Variants in NET1 observed in about 807,000 individuals in gnomAD.
NET1 encodes the protein neuroepithelial cell-transforming gene 1 protein.
A neutral mutation model predicts 61.1 loss-of-function variants in NET1; 42 were observed. The observed-to-expected ratio is 0.69, with a 90% confidence interval of 0.54 to 0.89. The LOEUF is 0.89. NET1 is among the 40% of genes least tolerant of loss of function. NET1 has a pLI of 0.00. For missense variants in NET1, 654 were observed against 747.3 expected (o/e 0.88, Z 1.46); for synonymous variants, 254 against 281.8 (o/e 0.90, Z 0.99).
chr10:5,447,763 G>C lies in NET1; in HGVS notation c.256-4067G>C, dbSNP rs1478210950. On this transcript the variant is annotated intron_variant, in intron 3 of 11. Coordinates refer to ENST00000355029, the MANE Select transcript of NET1 (RefSeq NM_001047160.3). This position sits in a 1 kb window ranked among gnomAD's most constrained non-coding sequence, Gnocchi z 4.1. The stretch of plus-strand genomic sequence containing the variant: ...GTACACTTTTATTTGGTGTGGTTTG[G>C]CTTTGGTTTTTGTTCTTGGTTTTGG... 6.6e-6 allele frequency among the ~76,000 whole-genome samples: 1 copy of C among 152,192 alleles called. No individual in the cohort carries two copies. Among genetic ancestry groups the C allele is most frequent in the Non-Finnish European group, 1.5e-5 (1 of 68,038 alleles).
rs1180284859 is a variant in NET1, at chr10:5,439,346, C to A, written c.255+10117C>A. 6.6e-6 allele frequency among the ~76,000 whole-genome samples: 1 copy of A among 152,190 alleles called. No individual in the cohort carries two copies. Among genetic ancestry groups the A allele is most frequent in the Non-Finnish European group, 1.5e-5 (1 of 68,026 alleles). ...ATGTGTGAATGAGGGCCAAATTTTTCTCTTAGTGGTTTTAGAGACCTACTC... is the reference window on the plus strand; with the variant it reads ...ATGTGTGAATGAGGGCCAAATTTTTATCTTAGTGGTTTTAGAGACCTACTC... On this transcript the variant is annotated intron_variant, in intron 3 of 11. Transcript: ENST00000355029. This position sits in a 1 kb window ranked among gnomAD's most constrained non-coding sequence, Gnocchi z 4.8.
rs978523405 is a variant in NET1, at chr10:5,439,206, T to G, written c.255+9977T>G. 6.6e-6 allele frequency among the ~76,000 whole-genome samples: 1 copy of G among 152,204 alleles called. No homozygotes were observed. Among genetic ancestry groups the G allele is most frequent in the Admixed American group, 6.5e-5 (1 of 15,280 alleles). On this transcript the variant is annotated intron_variant, in intron 3 of 11. Transcript: ENST00000355029. The surrounding 1 kb of genome is among the most constrained non-coding windows in gnomAD (Gnocchi z 4.8). Reference sequence around the variant, plus strand: ...CCTTCACACAGAGTGAACAACCAAGTGCATTACTGACACTGGAGTGTTCTC... The same window carrying G: ...CCTTCACACAGAGTGAACAACCAAGGGCATTACTGACACTGGAGTGTTCTC...
At position 5,452,206 on chromosome 10, in the gene NET1, A is replaced by G; in HGVS notation, c.364-152A>G. 1 of 742,994 alleles carries G rather than the reference A, an allele frequency of 1.3e-6. No individual in the cohort carries two copies. Among genetic ancestry groups the G allele is most frequent in the Non-Finnish European group, 2.0e-6 (1 of 493,688 alleles). 46.0% of individuals were successfully genotyped at this position (742,994 alleles called of 1,614,324 possible). On this transcript the variant is annotated intron_variant, in intron 4 of 11. Transcript: ENST00000355029. The surrounding 1 kb of genome is among the most constrained non-coding windows in gnomAD (Gnocchi z 4.0). Reference sequence around the variant, plus strand: ...TAATTTTAGCTGATAAATATTTAAGATTGGTAGGTGGAAACTTGGATAAAT... The same window carrying G: ...TAATTTTAGCTGATAAATATTTAAGGTTGGTAGGTGGAAACTTGGATAAAT...
Position 5,437,755 on chromosome 10 carries a change from T to C in NET1, c.255+8526T>C, listed in dbSNP as rs143128882. Among the ~76,000 whole-genome samples the C allele has an allele frequency of 4.7e-3, 714 of 152,074 alleles. 4 individuals are homozygous for C. The highest frequency in any genetic ancestry group is 0.016 in the African/African-American group (679 of 41,480). On this transcript the variant is annotated intron_variant, in intron 3 of 11. Transcript: ENST00000355029. The surrounding 1 kb of genome is among the most constrained non-coding windows in gnomAD (Gnocchi z 4.3). ...AGACTTAAACAGCACTCAGACCAAA[T>C]GGACCTAACAGACATACAGAGCCCT...
At position 5,456,679 on chromosome 10, in the gene NET1, G is replaced by T; in HGVS notation, c.1476G>T (p.Trp492Cys). 6.2e-7 allele frequency: 1 copy of T among 1,614,012 alleles called. No individual in the cohort carries two copies. Among genetic ancestry groups the T allele is most frequent in the Non-Finnish European group, 8.5e-7 (1 of 1,180,016 alleles). ...ATGACGTGTTCCACAAGCAGCAGTG[G>T]TTCAACTGTATTCGAGCGGCCATTG... is the stretch of plus-strand genomic sequence containing the variant. ...QANDVFHKQQ[W>C]FNCIRAAIAP... The change falls in exon 12 of 12, where the codon TGG (tryptophan) becomes TGT (cysteine). Residue 492 changes from tryptophan to cysteine, a missense_variant. By Grantham distance (215) the Trp-to-Cys change is radical (BLOSUM62 -2). Coordinates refer to ENST00000355029, the MANE Select transcript of NET1 (RefSeq NM_001047160.3). This position sits in a 1 kb window ranked among gnomAD's most constrained non-coding sequence, Gnocchi z 7.0.
At chr10:5,413,057 C>G in intron 1 of NET1, among the ~76,000 whole-genome samples, 2 of 147,508 alleles carry the variant, frequency 1.4e-5, no homozygotes, top group Admixed American at 6.7e-5. Context: ...ACGGGGGCCG[C>G]TGGAAGTGAG....
chr10:5,436,180 TGTGTGTTGTGTGTGTGTG>T lies in NET1; in HGVS notation c.255+6952_255+6969del, dbSNP rs1204563452. Among the ~76,000 whole-genome samples the T allele has an allele frequency of 2.3e-3, 151 of 64,788 alleles. 1 individual carries two copies. Among genetic ancestry groups the T allele is most frequent in the Non-Finnish European group, 3.7e-3 (118 of 31,798 alleles). 42.5% of individuals were successfully genotyped at this position (64,788 alleles called of 152,430 possible). A position where few individuals can be genotyped will look rare whatever the true frequency, so the allele number is the denominator to read the frequency against. On this transcript the variant is annotated intron_variant, in intron 3 of 11. Transcript: ENST00000355029. ...AAAAGGAGGTGTGTGTGTGTGTGTG[TGTGTGTTGTGTGTGTGTG>T]TGTGTGTGTGTGTGTGTGTGTGTGT...
chr10:5,450,531 T>C (rs1336910976), intron 3 of NET1, among the ~76,000 whole-genome samples: 2 of 152,160 alleles, frequency 1.3e-5, no homozygotes, highest in Non-Finnish European at 2.9e-5. Flanking sequence ...TTCCTTTTTA[T>C]ATTACTTTAG....
rs759922499 is a variant in NET1 at position 5,435,467 on chromosome 10, C to T, written c.255+6238C>T. Among the ~76,000 whole-genome samples, 6 of 150,644 alleles carry T rather than the reference C, an allele frequency of 4.0e-5. No individual in the cohort carries two copies. The highest frequency in any genetic ancestry group is 9.8e-5 in the African/African-American group (4 of 40,690). ...GGAGCCATTCTACTTTATATGCCTCCGTGCCTGAGATAGATAGATAGATAG... is the reference window on the plus strand; with the variant it reads ...GGAGCCATTCTACTTTATATGCCTCTGTGCCTGAGATAGATAGATAGATAG... On this transcript the variant is annotated intron_variant, in intron 3 of 11. Transcript: ENST00000355029. This position sits in a 1 kb window ranked among gnomAD's most constrained non-coding sequence, Gnocchi z 5.0.
Position 5,441,194 on chromosome 10 carries a change from G to A in NET1, c.256-10636G>A, listed in dbSNP as rs930609023. 2.6e-5 allele frequency among the ~76,000 whole-genome samples: 4 copies of A among 152,198 alleles called. No homozygotes were observed. Among genetic ancestry groups the A allele is most frequent in the Non-Finnish European group, 4.4e-5 (3 of 68,034 alleles). The stretch of plus-strand genomic sequence containing the variant: ...GGGGAGCTTTTATCCTGCAGCTTCT[G>A]TGCTCCGTTAGTCAACAAGTGGCCT... On this transcript the variant is annotated intron_variant, in intron 3 of 11. Transcript: ENST00000355029. The surrounding 1 kb of genome is among the most constrained non-coding windows in gnomAD (Gnocchi z 4.6).
Position 5,456,805 on chromosome 10 carries a change from C to A in NET1, c.1602C>A (p.Ala534=). ...GNHPSARKLT[A]QRRASTVSSV... ...ACCCCTCTGCGAGGAAACTCACAGC[C>A]CAGAGGAGGGCATCCACAGTTTCCA... is the stretch of plus-strand genomic sequence containing the variant. The change falls in exon 12 of 12, where the codon GCC becomes GCA. Residue 534 remains alanine, a synonymous_variant. Coordinates refer to ENST00000355029, the MANE Select transcript of NET1 (RefSeq NM_001047160.3). The surrounding 1 kb of genome is among the most constrained non-coding windows in gnomAD (Gnocchi z 7.0). 2 of 1,613,564 alleles carry A rather than the reference C, an allele frequency of 1.2e-6. No individual in the cohort carries two copies. The highest frequency in any genetic ancestry group is 1.7e-6 in the Non-Finnish European group (2 of 1,179,736).
intron 3 of NET1, among the ~76,000 whole-genome samples, chr10:5,432,407 T>C (rs1382913962): frequency 6.6e-6 from 1 of 152,194 alleles, no homozygotes; most frequent in African/African-American, 2.4e-5. Context: ...CTTGCATTAT[T>C]ATTGATTACT....
rs1485255877 is a variant in NET1 at position 5,412,824 on chromosome 10, A to C, written c.128+4A>C. On this transcript the variant is annotated splice_donor_region_variant and intron_variant, in intron 1 of 11. Coordinates refer to ENST00000355029, the MANE Select transcript of NET1 (RefSeq NM_001047160.3). This position sits in a 1 kb window ranked among gnomAD's most constrained non-coding sequence, Gnocchi z 6.5. ...CCGGGTCGGAGCTGGACGGGAGGTG[A>C]GTGTGGGGGAGGGGAGGGCCGAACG... The C allele has an allele frequency of 1.6e-6, 2 of 1,227,896 alleles. No individual in the cohort carries two copies. Among genetic ancestry groups the C allele is most frequent in the Non-Finnish European group, 2.0e-6 (2 of 975,828 alleles). The allele number at this position is 1,227,896 out of a possible 1,614,324, so 76.1% of individuals were successfully genotyped here.
Position 5,453,512 on chromosome 10 carries a change from C to T in NET1, c.720C>T (p.Thr240=). 6.2e-7 allele frequency: 1 copy of T among 1,614,034 alleles called. No individual in the cohort carries two copies. Among genetic ancestry groups the T allele is most frequent in the Non-Finnish European group, 8.5e-7 (1 of 1,180,012 alleles). ...TGTTGACAAGAATAGGAGAAGCAAC[C>T]AAGCCTGATGGAACAGTGGAGCAGA... is the stretch of plus-strand genomic sequence containing the variant. ...EDLLTRIGEA[T]KPDGTVEQIG... Residue 240 remains threonine (T), a synonymous_variant, in exon 8 of 12, where the codon ACC becomes ACT. Coordinates refer to ENST00000355029, the MANE Select transcript of NET1 (RefSeq NM_001047160.3). The surrounding 1 kb of genome is among the most constrained non-coding windows in gnomAD (Gnocchi z 4.9).
rs1168859402 is a variant in NET1 at position 5,416,121 on chromosome 10, G to A, written c.128+3301G>A. ...AATTCTTTTTCATGTGTCTATCCAG[G>A]TACCCCAGCACCATTTTTTGAAGAC... On this transcript the variant is annotated intron_variant, in intron 1 of 11. Transcript: ENST00000355029. The surrounding 1 kb of genome is among the most constrained non-coding windows in gnomAD (Gnocchi z 6.1). Among the ~76,000 whole-genome samples the A allele has an allele frequency of 6.6e-6, 1 of 152,126 alleles. No homozygotes were observed. The highest frequency in any genetic ancestry group is 1.5e-5 in the Non-Finnish European group (1 of 68,004).
In NET1 at chr10:5,452,788, G is replaced by A; in HGVS notation, c.532-70G>A. On this transcript the variant is annotated intron_variant, in intron 5 of 11. Transcript: ENST00000355029. The surrounding 1 kb of genome is among the most constrained non-coding windows in gnomAD (Gnocchi z 4.0). The stretch of plus-strand genomic sequence containing the variant: ...AATGCCGTTCAAAACATCAAATAAT[G>A]TAATTATCAGTTGTATATAATTTTC... 2 of 1,309,560 alleles carry A rather than the reference G, an allele frequency of 1.5e-6. No homozygotes were observed. The highest frequency in any genetic ancestry group is 2.2e-6 in the Non-Finnish European group (2 of 924,502). The allele number at this position is 1,309,560 out of a possible 1,614,324, so 81.1% of individuals were successfully genotyped here.
In NET1 at chr10:5,421,557, G is replaced by A. The variant is rs1832174713; in HGVS notation, c.129-5098G>A. 2.0e-5 allele frequency among the ~76,000 whole-genome samples: 3 copies of A among 152,154 alleles called. No individual in the cohort carries two copies. Among genetic ancestry groups the A allele is most frequent in the Admixed American group, 2.0e-4 (3 of 15,272 alleles). On this transcript the variant is annotated intron_variant, in intron 1 of 11. Coordinates refer to ENST00000355029, the MANE Select transcript of NET1 (RefSeq NM_001047160.3). The surrounding 1 kb of genome is among the most constrained non-coding windows in gnomAD (Gnocchi z 4.2). ...CAACCCAGGATCTTTATTATTAGTA[G>A]TAGTAGTTGCCAAAAATAAAAGGCA... is the stretch of plus-strand genomic sequence containing the variant.
rs372067052 is a variant in NET1, at chr10:5,417,463, A to G, written c.128+4643A>G. On this transcript the variant is annotated intron_variant, in intron 1 of 11. Coordinates refer to ENST00000355029, the MANE Select transcript of NET1 (RefSeq NM_001047160.3). The surrounding 1 kb of genome is among the most constrained non-coding windows in gnomAD (Gnocchi z 5.5). ...TCCCTGCCCCGCTTTGTATCACTTT[A>G]TTTTCAGTTTAATAATTTCAATTGT... 2.6e-5 allele frequency among the ~76,000 whole-genome samples: 4 copies of G among 151,888 alleles called. No homozygotes were observed. Among genetic ancestry groups the G allele is most frequent in the East Asian group, 3.9e-4 (2 of 5,178 alleles).
chr10:5,419,304 T>TTGGC (rs1368915394), intron 1 of NET1, among the ~76,000 whole-genome samples: 2 of 41,028 alleles, frequency 4.9e-5, no homozygotes, highest in Non-Finnish European at 1.2e-4. Flanking sequence ...TAGTTGGATC[T>TTGGC]TGGTTGGTTG....
Sources: allele counts gnomAD v4.1 joint callset (sites outside exome capture counted in the v4.1 genomes callset), GRCh38; gene constraint gnomAD v4.1.1; non-coding constraint Gnocchi (gnomAD v3.1); transcripts MANE v1.5; gene names NCBI Gene and HGNC (gene_info 2026-07-23, HGNC 2026-07-21).